Variants in SLC2A13 observed in about 807,000 individuals in gnomAD.
SLC2A13 encodes proton myo-inositol cotransporter.
A neutral mutation model predicts 64.4 loss-of-function variants in SLC2A13; 32 were observed. The ratio of observed to expected loss-of-function variants is 0.50; its 90% CI spans 0.37 to 0.67. The LOEUF (loss-of-function observed/expected upper bound fraction) is 0.67. Ranked by LOEUF, SLC2A13 falls within the 30% of genes least tolerant of loss-of-function variation. The pLI, the probability that SLC2A13 is intolerant of heterozygous loss-of-function variation, is 0.00. For missense variants in SLC2A13, 743 were observed against 829.2 expected, an observed-to-expected ratio of 0.90 and a Z score of 1.28; for synonymous variants, 338 against 327.1, an observed-to-expected ratio of 1.03 and a Z score of -0.36.
intron 2 of SLC2A13, among the ~76,000 whole-genome samples, chr12:40,040,538 G>A (rs1948068570): frequency 6.6e-6 from 1 of 152,070 alleles, no homozygotes; most frequent in South Asian, 2.1e-4. Context: ...TTACAGGCAT[G>A]TGCCACTATA....
intron 3 of SLC2A13, among the ~76,000 whole-genome samples, chr12:39,985,044 C>T (rs1947003675): frequency 6.6e-6 from 1 of 152,112 alleles, no homozygotes. Flanking sequence ...ACTTAAGTTA[C>T]TCACACATAT....
intron 7 of SLC2A13, among the ~76,000 whole-genome samples, chr12:39,820,136 A>C (rs977890680): frequency 6.6e-5 from 10 of 152,270 alleles, no homozygotes; most frequent in Non-Finnish European, 1.5e-4. Context: ...AAAAGAAAAA[A>C]AATGTAATTT....
chr12:39,944,361 T>C (rs192848964), intron 4 of SLC2A13, among the ~76,000 whole-genome samples: 2 of 152,384 alleles, frequency 1.3e-5, no homozygotes, highest in Non-Finnish European at 2.9e-5. Context: ...GTTAAGTCCA[T>C]TTGTTCCAAG....
chr12:39,993,191 T>C (rs916796941), intron 3 of SLC2A13, among the ~76,000 whole-genome samples: 1 of 152,244 alleles, frequency 6.6e-6, no homozygotes, highest in Non-Finnish European at 1.5e-5. Flanking sequence ...TGTATCACAG[T>C]AACCATCACA....
At chr12:39,886,411 T>A (rs1165206979) in intron 4 of SLC2A13, among the ~76,000 whole-genome samples, 1 of 152,050 alleles carries the variant, frequency 6.6e-6, no homozygotes, top group Non-Finnish European at 1.5e-5. Flanking sequence ...CTTTCACAGC[T>A]GACAGCAAAA....
At chr12:39,919,665 TG>T (rs1945581053) in intron 4 of SLC2A13, among the ~76,000 whole-genome samples, 1 of 152,082 alleles carries the variant, frequency 6.6e-6, no homozygotes. Flanking sequence ...AGGGCTTGGA[TG>T]GAAACACCCC....
At chr12:40,075,588 A>T (rs1350648026) in intron 1 of SLC2A13, among the ~76,000 whole-genome samples, 1 of 152,184 alleles carries the variant, frequency 6.6e-6, no homozygotes, top group Non-Finnish European at 1.5e-5. Flanking sequence ...TTTCTTTGAA[A>T]TAATACCATT....
chr12:39,963,596 G>T (rs1946454728), intron 3 of SLC2A13, among the ~76,000 whole-genome samples: 2 of 152,096 alleles, frequency 1.3e-5, no homozygotes, highest in South Asian at 4.1e-4. Flanking sequence ...ATTTAAATCA[G>T]AATTATTCCA....
intron 4 of SLC2A13, among the ~76,000 whole-genome samples, chr12:39,898,799 A>C (rs997934385): frequency 2.2e-4 from 34 of 152,190 alleles, no homozygotes; most frequent in African/African-American, 8.0e-4. Context: ...CAGCATGAAC[A>C]AATTAAATGT....
intron 3 of SLC2A13, among the ~76,000 whole-genome samples, chr12:39,993,605 G>C (rs1947175638): frequency 6.6e-6 from 1 of 152,222 alleles, no homozygotes; most frequent in Non-Finnish European, 1.5e-5. Flanking sequence ...GAAGACTGAA[G>C]ATTACATGTG....
In SLC2A13 at chr12:40,002,194, C is replaced by T. The variant is rs942195703; in HGVS notation, c.925+26107G>A. 3.3e-5 allele frequency among the ~76,000 whole-genome samples: 5 copies of T among 152,200 alleles called. 1 individual carries two copies. The highest frequency in any genetic ancestry group is 7.3e-5 in the Non-Finnish European group (5 of 68,044). Reference sequence around the variant, plus strand: ...ATTGTTGTATTGGGCACTTATTATGCGCCAGCCTAAGAACTTTGTGTGCAC... The same window carrying T: ...ATTGTTGTATTGGGCACTTATTATGTGCCAGCCTAAGAACTTTGTGTGCAC... On this transcript the variant is annotated intron_variant, in intron 3 of 9. Coordinates refer to ENST00000280871, the MANE Select transcript of SLC2A13 (RefSeq NM_052885.4).
intron 1 of SLC2A13, among the ~76,000 whole-genome samples, chr12:40,084,182 T>TA (rs201978692): frequency 0.026 from 4,031 of 152,302 alleles, 85 homozygotes; most frequent in Non-Finnish European, 0.039. Flanking sequence ...TAAGATATTG[T>TA]AAAAAATGAT....
chr12:39,871,501 A>T (rs200525024), intron 5 of SLC2A13, among the ~76,000 whole-genome samples: 1 of 120,488 alleles, frequency 8.3e-6, no homozygotes. Flanking sequence ...AAAAACAATT[A>T]TTTTTTTTCA....
At chr12:39,980,656 G>A (rs1946874232) in intron 3 of SLC2A13, among the ~76,000 whole-genome samples, 1 of 150,156 alleles carries the variant, frequency 6.7e-6, no homozygotes. Context: ...CAATACAGGA[G>A]CACCCAGATT....
intron 1 of SLC2A13, among the ~76,000 whole-genome samples, chr12:40,086,922 AAT>A (rs1270583542): frequency 6.6e-6 from 1 of 152,208 alleles, no homozygotes; most frequent in East Asian, 1.9e-4. Context: ...TTCCTCACCT[AAT>A]CCCAAGAGGC....
At chr12:40,103,547 GA>G (rs1939210650) in intron 1 of SLC2A13, among the ~76,000 whole-genome samples, 1 of 152,164 alleles carries the variant, frequency 6.6e-6, no homozygotes, top group South Asian at 2.1e-4. Flanking sequence ...TCGCAGGTCA[GA>G]TAAAAAGAGT....
chr12:39,923,701 C>CTGT (rs779411583), intron 4 of SLC2A13, among the ~76,000 whole-genome samples: 5 of 150,916 alleles, frequency 3.3e-5, no homozygotes, highest in Non-Finnish European at 7.4e-5. Flanking sequence ...CACGCGCACA[C>CTGT]ACACACACAC....
chr12:40,006,658 G>T (rs1257340245), intron 3 of SLC2A13, among the ~76,000 whole-genome samples: 1 of 152,090 alleles, frequency 6.6e-6, no homozygotes, highest in Non-Finnish European at 1.5e-5. Flanking sequence ...TTAGGTGAAG[G>T]TCTCCATATC....
chr12:40,024,691 T>C (rs1947775632), intron 3 of SLC2A13, among the ~76,000 whole-genome samples: 1 of 152,216 alleles, frequency 6.6e-6, no homozygotes, highest in Non-Finnish European at 1.5e-5. Flanking sequence ...GTCAGTCTTA[T>C]TTACTGCCAC....
Sources: allele counts gnomAD v4.1 joint callset (sites outside exome capture counted in the v4.1 genomes callset), GRCh38; gene constraint gnomAD v4.1.1; transcripts MANE v1.5; gene names NCBI Gene and HGNC (gene_info 2026-07-23, HGNC 2026-07-21).